The following LRBA variants were observed in gnomAD, a reference collection of about 807,000 sequenced individuals.
The protein encoded by LRBA is LPS responsive beige-like anchor protein.
Under a neutral mutation model 330.0 loss-of-function variants are expected in LRBA, and 176 were observed. That is an observed-to-expected ratio of 0.53 (90% CI 0.47 to 0.60). The LOEUF (loss-of-function observed/expected upper bound fraction) is 0.60. Ranked by LOEUF, LRBA falls within the 20% of genes least tolerant of loss-of-function variation. LRBA has a pLI of 0.00. For missense variants in LRBA, 3,259 were observed against 3,444.8 expected (o/e 0.95, Z 1.35); for synonymous variants, 1,230 against 1,193.0 (o/e 1.03, Z -0.64).
At chr4:150,738,375 A>G (rs1265779121) in intron 35 of LRBA, among the ~76,000 whole-genome samples, 23 of 152,168 alleles carry the variant, frequency 1.5e-4, no homozygotes, top group Admixed American at 1.5e-3. Context: ...TCCCCAAACA[A>G]CAAACCTAAG....
At chr4:150,822,391 T>G (rs1745569257) in intron 30 of LRBA, among the ~76,000 whole-genome samples, 1 of 152,174 alleles carries the variant, frequency 6.6e-6, no homozygotes, top group Non-Finnish European at 1.5e-5. Context: ...GTAACTATAT[T>G]AACATATATT....
chr4:150,646,497 T>C (rs1426467449), intron 37 of LRBA, among the ~76,000 whole-genome samples: 2 of 152,092 alleles, frequency 1.3e-5, no homozygotes, highest in East Asian at 3.9e-4. Flanking sequence ...TTTTGAAACG[T>C]TGGAAATGAA....
At chr4:150,878,862 ATT>A (rs761864448) in intron 17 of LRBA, among the ~76,000 whole-genome samples, 18 of 140,722 alleles carry the variant, frequency 1.3e-4, no homozygotes, top group Non-Finnish European at 1.4e-4. Context: ...TGGTCCAGGA[ATT>A]TTTTTTTTTT....
At chr4:150,963,956 C>G (rs1314660436) in intron 2 of LRBA, among the ~76,000 whole-genome samples, 1 of 148,490 alleles carries the variant, frequency 6.7e-6, no homozygotes, top group African/African-American at 2.6e-5. Flanking sequence ...TGCCGCGACC[C>G]CGTCTGGGAA....
At chr4:150,515,796 A>C (rs1180229823) in intron 40 of LRBA, among the ~76,000 whole-genome samples, 1 of 152,142 alleles carries the variant, frequency 6.6e-6, no homozygotes, top group Non-Finnish European at 1.5e-5. Context: ...AAATTAGAAA[A>C]AAATTTCATT....
intron 37 of LRBA, among the ~76,000 whole-genome samples, chr4:150,671,000 A>ATGTG (rs57937053): frequency 0.2 from 20,875 of 106,026 alleles, 1,850 homozygotes; most frequent in Admixed American, 0.26. Context: ...AACATAGCTG[A>ATGTG]TGTGTGTGTG....
At chr4:150,471,829 T>C (rs1486540169) in intron 42 of LRBA, 90 bp from the exon 43 acceptor site, 4 of 717,330 alleles carry the variant, frequency 5.6e-6, no homozygotes, top group Non-Finnish European at 9.7e-6. Context: ...ATAATATCTA[T>C]AATTCTGAAA....
At chr4:150,987,892 C>T (rs2149619226) in intron 2 of LRBA, among the ~76,000 whole-genome samples, 1 of 151,730 alleles carries the variant, frequency 6.6e-6, no homozygotes, top group East Asian at 1.9e-4. Context: ...ATACCAGCTA[C>T]CCAGGAGGCT....
chr4:150,683,545 C>CT lies in LRBA; in HGVS notation c.5921+5dup, dbSNP rs745613288. The CT allele has an allele frequency of 2.5e-6, 4 of 1,613,002 alleles. No individual in the cohort carries two copies. The highest frequency in any genetic ancestry group is 2.5e-6 in the Non-Finnish European group (3 of 1,179,228). ...CAGTGGCCAAATCCTAAAGGTATCCCTTTACCTCACTGCAGAATTTCCCCA... is the reference window on the plus strand; with the variant it reads ...CAGTGGCCAAATCCTAAAGGTATCCCTTTTACCTCACTGCAGAATTTCCCCA... On this transcript the variant is annotated splice_donor_region_variant and intron_variant, in intron 37 of 56. Transcript: ENST00000651943.
chr4:150,350,854 A>G (rs1737054120), intron 47 of LRBA, among the ~76,000 whole-genome samples: 1 of 152,202 alleles, frequency 6.6e-6, no homozygotes, highest in African/African-American at 2.4e-5. Flanking sequence ...AATGTTAAAA[A>G]TTTACCATCC....
chr4:150,351,944 T>C (rs1288839948), intron 47 of LRBA, among the ~76,000 whole-genome samples: 22 of 152,222 alleles, frequency 1.4e-4, no homozygotes, highest in Non-Finnish European at 2.6e-4. Context: ...ATAAATGTTA[T>C]GTAAATATGG....
chr4:150,805,977 T>TA (rs1320927944), intron 33 of LRBA, among the ~76,000 whole-genome samples: 1 of 151,912 alleles, frequency 6.6e-6, no homozygotes, highest in Non-Finnish European at 1.5e-5. Context: ...CCTGTGACAC[T>TA]AGTCTCTCCA....
chr4:151,003,045 C>CAT (rs1408932957), intron 2 of LRBA, among the ~76,000 whole-genome samples: 3 of 147,218 alleles, frequency 2.0e-5, no homozygotes, highest in African/African-American at 7.6e-5. Context: ...TATGTGTTTG[C>CAT]GTGTGTGTGT....
At chr4:150,760,973 A>G (rs1439564773) in intron 35 of LRBA, among the ~76,000 whole-genome samples, 2 of 152,182 alleles carry the variant, frequency 1.3e-5, no homozygotes, top group Non-Finnish European at 2.9e-5. Flanking sequence ...GCAAGTTCAA[A>G]TAGTTACCAA....
intron 2 of LRBA, among the ~76,000 whole-genome samples, chr4:150,947,018 C>T (rs1428433892): frequency 6.6e-6 from 1 of 151,634 alleles, no homozygotes; most frequent in African/African-American, 2.4e-5. Context: ...GCTACCACTA[C>T]TTGCCCAATA....
chr4:150,661,659 G>A (rs1410871780), intron 37 of LRBA, among the ~76,000 whole-genome samples: 1 of 151,946 alleles, frequency 6.6e-6, no homozygotes, highest in African/African-American at 2.4e-5. Context: ...CGCCCAGGCT[G>A]GAGTGCAGTG....
At chr4:150,464,585 T>C (rs1755200971) in intron 44 of LRBA, among the ~76,000 whole-genome samples, 1 of 152,058 alleles carries the variant, frequency 6.6e-6, no homozygotes, top group African/African-American at 2.4e-5. Flanking sequence ...CCATTTATCA[T>C]TCCTCATGGT....
At chr4:150,684,870 T>C (rs1285086308) in intron 36 of LRBA, among the ~76,000 whole-genome samples, 4 of 152,136 alleles carry the variant, frequency 2.6e-5, no homozygotes, top group African/African-American at 4.8e-5. Context: ...CCAGTTTCGA[T>C]AGATTGCTGC....
intron 20 of LRBA, among the ~76,000 whole-genome samples, chr4:150,870,097 T>C (rs751682503): frequency 6.6e-6 from 1 of 152,098 alleles, no homozygotes; most frequent in Non-Finnish European, 1.5e-5. Context: ...ATTCTAAATA[T>C]CAAAAGAAAA....
Sources: allele counts gnomAD v4.1 joint callset (sites outside exome capture counted in the v4.1 genomes callset), GRCh38; gene constraint gnomAD v4.1.1; transcripts MANE v1.5; gene names NCBI Gene and HGNC (gene_info 2026-07-23, HGNC 2026-07-21).